Variants in NOX5 observed in about 807,000 individuals in gnomAD.
NOX5 encodes the protein NADPH oxidase 5.
Under a neutral mutation model 85.7 loss-of-function variants are expected in NOX5, and 76 were observed. That is an observed-to-expected ratio of 0.89 (90% CI 0.74 to 1.07). The LOEUF (loss-of-function observed/expected upper bound fraction) is 1.07, where lower values mean the gene tolerates loss of function less well. Among genes scored for constraint, NOX5 ranks in the 50% least tolerant of loss-of-function variants. The pLI is 0.00. For missense variants in NOX5, 973 were observed against 999.5 expected (o/e 0.97, Z 0.36); for synonymous variants, 405 against 401.4 (o/e 1.01, Z -0.11).
intron 14 of NOX5, among the ~76,000 whole-genome samples, chr15:69,049,411 G>C (rs2140278713): frequency 6.6e-6 from 1 of 151,706 alleles, no homozygotes; most frequent in South Asian, 2.1e-4. Context: ...GGCTAATTCA[G>C]AGTCTTTTTA....
chr15:69,055,339 T>C lies in NOX5; in HGVS notation c.2005T>C (p.Phe669Leu). The change falls in exon 15 of 16, where the codon TTC becomes CTC. Residue 669 changes from phenylalanine to leucine, a missense_variant. By Grantham distance (22) the Phe-to-Leu change is conservative. Transcript: ENST00000388866. ...DQAEEAQYGR[F>L]LELHMYMTSA... Reference sequence around the variant, plus strand: ...CCTTGTCCCCTGCCCAACAGGCCGCTTCCTGGAGCTGCATATGTACATGAC... The same window carrying C: ...CCTTGTCCCCTGCCCAACAGGCCGCCTCCTGGAGCTGCATATGTACATGAC... 6.2e-7 allele frequency: 1 copy of C among 1,613,838 alleles called. No homozygotes were observed. The highest frequency in any genetic ancestry group is 8.5e-7 in the Non-Finnish European group (1 of 1,179,756).
intron 10 of NOX5, among the ~76,000 whole-genome samples, chr15:69,046,526 C>T (rs2050675701): frequency 6.6e-6 from 1 of 152,140 alleles, no homozygotes. Context: ...TCAGGAATTT[C>T]ATGAGCTGGT....
At position 69,056,622 on chromosome 15, in the gene NOX5, TC is replaced by T; in HGVS notation, c.2228del (p.Pro743GlnfsTer7). The T allele has an allele frequency of 6.2e-7, 1 of 1,613,848 alleles. No individual in the cohort carries two copies. Among genetic ancestry groups the T allele is most frequent in the Non-Finnish European group, 8.5e-7 (1 of 1,180,032 alleles). ...KGKVQVFFCGSPALAKVLKGH... is the reference protein window; with the variant it reads ...KGKVQVFFCGXPALAKVLKGH... ...CAAGGTGCAGGTCTTCTTCTGTGGC[TC>T]CCCAGCTCTGGCCAAGGTGCTGAAG... On this transcript the variant is annotated frameshift_variant, in exon 16 of 16. Coordinates refer to ENST00000388866, the MANE Select transcript of NOX5 (RefSeq NM_024505.4). LOFTEE classifies it high-confidence loss of function.
chr15:69,024,759 G>C (rs2140250058), intron 1 of NOX5, among the ~76,000 whole-genome samples: 1 of 152,142 alleles, frequency 6.6e-6, no homozygotes, highest in Middle Eastern at 3.4e-3. Context: ...GCAGTTTCAG[G>C]CATCCACTAA....
intron 14 of NOX5, among the ~76,000 whole-genome samples, chr15:69,049,928 A>G (rs1030980234): frequency 3.9e-5 from 6 of 152,256 alleles, no homozygotes; most frequent in South Asian, 2.1e-4. Context: ...CAATCAAAAT[A>G]TGGAGCATTT....
chr15:69,020,686 T>C (rs2050285790), intron 1 of NOX5, among the ~76,000 whole-genome samples: 1 of 151,902 alleles, frequency 6.6e-6, no homozygotes. Flanking sequence ...ATATAGATCA[T>C]TGATTTTGGT....
At chr15:69,054,431 C>T (rs1021347352) in intron 14 of NOX5, among the ~76,000 whole-genome samples, 4 of 152,190 alleles carry the variant, frequency 2.6e-5, no homozygotes, top group Admixed American at 2.6e-4. Context: ...ATGTCACACC[C>T]TACTCAGTTA....
chr15:69,038,581 C>A (rs2050551817), intron 8 of NOX5, among the ~76,000 whole-genome samples: 1 of 152,194 alleles, frequency 6.6e-6, no homozygotes. Flanking sequence ...AGAGGGTCCA[C>A]TAAAAAGCAG....
intron 9 of NOX5, among the ~76,000 whole-genome samples, chr15:69,040,151 G>A (rs889925785): frequency 3.3e-5 from 5 of 152,218 alleles, no homozygotes; most frequent in Admixed American, 6.5e-5. Context: ...TTCCCCATGT[G>A]GGGCTGCATA....
At chr15:69,038,809 T>A (rs1567101551) in intron 8 of NOX5, 48 bp from the exon 9 acceptor site, 2 of 1,613,854 alleles carry the variant, frequency 1.2e-6, no homozygotes, top group Middle Eastern at 1.7e-4. Flanking sequence ...TAGCCCCTGG[T>A]GGCTTTGGGC....
chr15:69,061,526 T>C lies in NOX5; in HGVS notation c.*4830T>C, dbSNP rs1160882742. 2 of 152,278 alleles carry C rather than the reference T, an allele frequency of 1.3e-5. No homozygotes were observed. Among genetic ancestry groups the C allele is most frequent in the Admixed American group, 6.5e-5 (1 of 15,290 alleles). 9.4% of individuals were successfully genotyped at this position (152,278 alleles called of 1,614,324 possible). A position where few individuals can be genotyped will look rare whatever the true frequency, so the allele number is the denominator to read the frequency against. On this transcript the variant is annotated 3_prime_UTR_variant, in exon 16 of 16. Coordinates refer to ENST00000388866, the MANE Select transcript of NOX5 (RefSeq NM_024505.4). ...CATATTAACCAGCCTTCCTGACAGA[T>C]TGATGCATCTTTTTATGATCTGTCT...
chr15:69,055,287 T>C (rs1210025920), intron 14 of NOX5, 47 bp from the exon 15 acceptor site: 2 of 1,584,478 alleles, frequency 1.3e-6, no homozygotes, highest in Admixed American at 1.7e-5. Flanking sequence ...CCTGCGCCCA[T>C]GATGGGTACT....
chr15:69,025,579 G>C (rs914547389), intron 1 of NOX5, among the ~76,000 whole-genome samples: 3 of 152,182 alleles, frequency 2.0e-5, no homozygotes, highest in African/African-American at 7.2e-5. Context: ...TACTGATTCA[G>C]GGGTTACACA....
rs1239731619 is a variant in NOX5, at chr15:69,060,867, G to T, written c.*4171G>T. The T allele has an allele frequency of 6.6e-6, 1 of 152,222 alleles. No homozygotes were observed. Among genetic ancestry groups the T allele is most frequent in the Non-Finnish European group, 1.5e-5 (1 of 68,034 alleles). 9.4% of individuals were successfully genotyped at this position (152,222 alleles called of 1,614,324 possible). A position where few individuals can be genotyped will look rare whatever the true frequency, so the allele number is the denominator to read the frequency against. On this transcript the variant is annotated 3_prime_UTR_variant, in exon 16 of 16. Coordinates refer to ENST00000388866, the MANE Select transcript of NOX5 (RefSeq NM_024505.4). ...CCCAGACAGCCCTTATCTGTTGGGG[G>T]CCCAGATGTGTCTACAGCATTGTTA...
intron 1 of NOX5, among the ~76,000 whole-genome samples, chr15:69,019,159 G>A (rs752648747): frequency 1.3e-5 from 2 of 152,116 alleles, no homozygotes; most frequent in Non-Finnish European, 2.9e-5. Context: ...CACCACCCCC[G>A]GCCTTGCTTG....
Position 69,037,102 on chromosome 15 carries a change from G to A in NOX5, c.1263G>A (p.Lys421=), listed in dbSNP as rs771037305. 6.2e-7 allele frequency: 1 copy of A among 1,614,098 alleles called. No individual in the cohort carries two copies. Among genetic ancestry groups the A allele is most frequent in the South Asian group, 1.1e-5 (1 of 91,080 alleles). ...LLIFHGPNFW[K]WLLVPGILFF... ...TCTTTCATGGGCCCAACTTCTGGAAGTGGCTGCTGGTGCCTGGAATCTTGT... is the reference window on the plus strand; with the variant it reads ...TCTTTCATGGGCCCAACTTCTGGAAATGGCTGCTGGTGCCTGGAATCTTGT... Residue 421 remains lysine (K), a synonymous_variant, in exon 8 of 16, where the codon AAG becomes AAA. Transcript: ENST00000388866.
At chr15:69,047,277 C>CT in intron 11 of NOX5, 136 bp from the exon 12 acceptor site, 1 of 1,179,680 alleles carries the variant, frequency 8.5e-7, no homozygotes, top group Non-Finnish European at 1.2e-6. Flanking sequence ...GTGGGAGCCA[C>CT]TTAGACCTGG....
chr15:69,037,009 G>T lies in NOX5; in HGVS notation c.1189-19G>T, dbSNP rs1355596316. ...AGGCCTTGAGCTCTGGAAGTTGACT[G>T]CCCCCCCTACCCCCATAGGTGTTCT... is the stretch of plus-strand genomic sequence containing the variant. On this transcript the variant is annotated intron_variant, in intron 7 of 15. Coordinates refer to ENST00000388866, the MANE Select transcript of NOX5 (RefSeq NM_024505.4). 1.2e-6 allele frequency: 2 copies of T among 1,609,170 alleles called. No homozygotes were observed. The highest frequency in any genetic ancestry group is 1.7e-6 in the Non-Finnish European group (2 of 1,177,364).
chr15:69,021,786 A>C (rs2050298231), intron 1 of NOX5, among the ~76,000 whole-genome samples: 1 of 152,006 alleles, frequency 6.6e-6, no homozygotes, highest in Admixed American at 6.6e-5. Context: ...ATTAATGTAT[A>C]TTTGGGGGTT....
Sources: allele counts gnomAD v4.1 joint callset (sites outside exome capture counted in the v4.1 genomes callset), GRCh38; gene constraint gnomAD v4.1.1; transcripts MANE v1.5; gene names NCBI Gene and HGNC (gene_info 2026-07-23, HGNC 2026-07-21).